Variants in XKR7 observed in about 807,000 individuals in gnomAD.
XKR7 encodes the protein XK related 7.
Under a neutral mutation model 42.2 loss-of-function variants are expected in XKR7, and 11 were observed. That is an observed-to-expected ratio of 0.26 (90% CI 0.16 to 0.43). The LOEUF (loss-of-function observed/expected upper bound fraction) is 0.43, where lower values mean the gene tolerates loss of function less well. Among genes scored for constraint, XKR7 ranks in the 20% least tolerant of loss-of-function variants. XKR7 has a pLI of 1.00. For missense variants in XKR7, 710 were observed against 802.2 expected (o/e 0.89, Z 1.39); for synonymous variants, 346 against 366.4 (o/e 0.94, Z 0.64).
rs2064615974 is a variant in XKR7 at position 31,999,859 on chromosome 20, G to C, written c.*2402G>C. 1 of 152,256 alleles carries C rather than the reference G, an allele frequency of 6.6e-6. No homozygotes were observed. Among genetic ancestry groups the C allele is most frequent in the African/African-American group, 2.4e-5 (1 of 41,438 alleles). 9.4% of individuals were successfully genotyped at this position (152,256 alleles called of 1,614,324 possible). ...GTATCCCAGAATGGCCCATCTGGCT[G>C]CTGCCTTCTAGAGGAAAAGTCCTAG... On this transcript the variant is annotated 3_prime_UTR_variant, in exon 3 of 3. Coordinates refer to ENST00000562532, the MANE Select transcript of XKR7 (RefSeq NM_001011718.2).
At chr20:31,986,227 CACAG>C (rs2064539371) in intron 1 of XKR7, among the ~76,000 whole-genome samples, 1 of 102,566 alleles carries the variant, frequency 9.7e-6, no homozygotes, top group African/African-American at 4.0e-5. Context: ...GTATCCAAGG[CACAG>C]ACAGACAGAC....
intron 1 of XKR7, among the ~76,000 whole-genome samples, chr20:31,990,210 G>T (rs1388251892): frequency 1.3e-5 from 2 of 151,812 alleles, no homozygotes; most frequent in East Asian, 3.9e-4. Context: ...GTGTGTGTGT[G>T]TGTGGAAACA....
chr20:31,990,136 A>G (rs1467119950), intron 1 of XKR7, among the ~76,000 whole-genome samples: 1 of 151,880 alleles, frequency 6.6e-6, no homozygotes, highest in African/African-American at 2.4e-5. Context: ...TACTCCCTCT[A>G]TGGACACCCT....
At position 32,001,939 on chromosome 20, in the gene XKR7, AGT is replaced by A. The variant is rs1439116611; in HGVS notation, c.*4483_*4484del. 6.6e-6 allele frequency: 1 copy of A among 152,238 alleles called. No homozygotes were observed. Among genetic ancestry groups the A allele is most frequent in the African/African-American group, 2.4e-5 (1 of 41,442 alleles). The allele number at this position is 152,238 out of a possible 1,614,324, so 9.4% of individuals were successfully genotyped here. On this transcript the variant is annotated 3_prime_UTR_variant, in exon 3 of 3. Transcript: ENST00000562532. ...CAAGTGGGTGTCAAGCCGCATGGGC[AGT>A]AGTAGGGTTGGGGTTTGAGCCCCCT... is the stretch of plus-strand genomic sequence containing the variant.
rs538245163 is a variant in XKR7 at position 31,981,862 on chromosome 20, T to A, written c.584+13103T>A. On this transcript the variant is annotated intron_variant, in intron 1 of 2. Coordinates refer to ENST00000562532, the MANE Select transcript of XKR7 (RefSeq NM_001011718.2). ...CCTCCCACTTCAGGACTTTTGCCTA[T>A]GTTGTTTCCTCAGCCAGAGGCTACC... Among the ~76,000 whole-genome samples the A allele has an allele frequency of 2.0e-5, 3 of 152,366 alleles. No homozygotes were observed. In the South Asian group the frequency reaches 6.2e-4, roughly 32 times the overall value.
At chr20:31,970,978 G>A (rs1028428266) in intron 1 of XKR7, 6 of 152,196 alleles carry the variant, frequency 3.9e-5, no homozygotes, top group South Asian at 4.1e-4. Flanking sequence ...CTAGGAACTT[G>A]AAGAGCTGAG....
chr20:31,971,618 G>T (rs2064466186), intron 1 of XKR7, among the ~76,000 whole-genome samples: 1 of 152,200 alleles, frequency 6.6e-6, no homozygotes. Context: ...TGAAGAGGGA[G>T]ATGTGTGATT....
At chr20:31,994,863 C>T (rs1472040368) in intron 1 of XKR7, among the ~76,000 whole-genome samples, 1 of 152,220 alleles carries the variant, frequency 6.6e-6, no homozygotes, top group Non-Finnish European at 1.5e-5. Flanking sequence ...AGTGCCAGTC[C>T]TCTCTCTAAG....
At chr20:31,975,459 T>G (rs2064480836) in intron 1 of XKR7, among the ~76,000 whole-genome samples, 1 of 152,130 alleles carries the variant, frequency 6.6e-6, no homozygotes, top group African/African-American at 2.4e-5. Flanking sequence ...CCCAGTGAAA[T>G]TCTGCACGTC....
chr20:31,992,015 G>A (rs1455580868), intron 1 of XKR7, among the ~76,000 whole-genome samples: 1 of 152,232 alleles, frequency 6.6e-6, no homozygotes, highest in African/African-American at 2.4e-5. Context: ...TACTCGGGAG[G>A]CTGAGGCAGG....
intron 1 of XKR7, among the ~76,000 whole-genome samples, chr20:31,984,919 C>A (rs2064530656): frequency 6.6e-6 from 1 of 152,308 alleles, no homozygotes; most frequent in African/African-American, 2.4e-5. Flanking sequence ...GTCCTGGTCC[C>A]TTTCTAGGTC....
chr20:31,978,573 G>A (rs1421687607), intron 1 of XKR7, among the ~76,000 whole-genome samples: 1 of 152,210 alleles, frequency 6.6e-6, no homozygotes, highest in Non-Finnish European at 1.5e-5. Context: ...ACTTTCTGCA[G>A]TCATGAAAAT....
intron 1 of XKR7, among the ~76,000 whole-genome samples, chr20:31,990,898 G>A (rs2064567656): frequency 6.6e-6 from 1 of 152,130 alleles, no homozygotes; most frequent in South Asian, 2.1e-4. Context: ...TTGCCAAAAG[G>A]GGCAGAGCGA....
intron 1 of XKR7, among the ~76,000 whole-genome samples, chr20:31,983,243 A>T (rs1369666764): frequency 6.6e-6 from 1 of 152,180 alleles, no homozygotes; most frequent in African/African-American, 2.4e-5. Flanking sequence ...CATGGTCCCC[A>T]CTCTCATGGA....
chr20:31,982,899 C>G (rs989844043), intron 1 of XKR7, among the ~76,000 whole-genome samples: 7 of 152,198 alleles, frequency 4.6e-5, no homozygotes, highest in Non-Finnish European at 8.8e-5. Flanking sequence ...TTCCATTGAT[C>G]AAGTGCCCAA....
chr20:31,969,174 C>T (rs2064452554), intron 1 of XKR7, among the ~76,000 whole-genome samples: 1 of 152,232 alleles, frequency 6.6e-6, no homozygotes, highest in African/African-American at 2.4e-5. Flanking sequence ...GAAGTCCTTT[C>T]CTGCTCGCAA....
chr20:31,979,196 T>C (rs2064499889), intron 1 of XKR7, among the ~76,000 whole-genome samples: 1 of 151,906 alleles, frequency 6.6e-6, no homozygotes, highest in African/African-American at 2.4e-5. Flanking sequence ...AATGGAATTA[T>C]GATTTCTTTT....
chr20:31,990,777 A>T (rs2064566900), intron 1 of XKR7, among the ~76,000 whole-genome samples: 1 of 149,556 alleles, frequency 6.7e-6, no homozygotes, highest in Non-Finnish European at 1.5e-5. Context: ...TTTGGAGCCA[A>T]TTTTTTTTTT....
At chr20:31,969,015 A>G (rs1400769362) in intron 1 of XKR7, among the ~76,000 whole-genome samples, 1 of 152,066 alleles carries the variant, frequency 6.6e-6, no homozygotes, top group Non-Finnish European at 1.5e-5. Flanking sequence ...GAAAGGAGAG[A>G]AAGAGATCCT....
Sources: gnomAD v4.1 joint callset for allele counts (sites outside exome capture counted in the v4.1 genomes callset) on GRCh38, gnomAD v4.1.1 for gene constraint, MANE v1.5 for transcripts, NCBI Gene and HGNC (gene_info 2026-07-23, HGNC 2026-07-21) for gene names.